The following CDK14 variants were observed in gnomAD, a reference collection of about 807,000 sequenced individuals.
CDK14 encodes the protein cyclin dependent kinase 14, also known as cyclin-dependent kinase 14.
In CDK14, 34 loss-of-function variants were observed where a neutral mutation model predicts 60.7. That is an observed-to-expected ratio of 0.56 (90% CI 0.43 to 0.75). CDK14 has a LOEUF of 0.75. Ranked by LOEUF, CDK14 falls within the 30% of genes least tolerant of loss-of-function variation. CDK14 has a pLI of 0.00. For missense variants in CDK14, 482 were observed against 564.1 expected (o/e 0.85, Z 1.47); for synonymous variants, 197 against 203.7 (o/e 0.97, Z 0.28).
intron 11 of CDK14, among the ~76,000 whole-genome samples, chr7:91,057,786 C>G (rs1405332406): frequency 6.6e-6 from 1 of 152,106 alleles, no homozygotes; most frequent in Non-Finnish European, 1.5e-5. Flanking sequence ...GGTACCAATA[C>G]CATGCTGTTT....
intron 9 of CDK14, among the ~76,000 whole-genome samples, chr7:90,981,122 TC>T (rs1795216922): frequency 6.6e-6 from 1 of 152,156 alleles, no homozygotes; most frequent in African/African-American, 2.4e-5. Flanking sequence ...CTATTTAAGA[TC>T]CAAGGTATTT....
intron 3 of CDK14, among the ~76,000 whole-genome samples, chr7:90,734,603 G>T (rs1043342171): frequency 6.6e-6 from 1 of 151,852 alleles, no homozygotes; most frequent in African/African-American, 2.4e-5. Flanking sequence ...GATCGATTCA[G>T]CTATTGATAC....
intron 11 of CDK14, among the ~76,000 whole-genome samples, chr7:91,059,225 G>C (rs1206205218): frequency 1.3e-5 from 2 of 152,192 alleles, no homozygotes; most frequent in Admixed American, 6.5e-5. Flanking sequence ...ATGGTAGTTT[G>C]TATTTCTGTG....
intron 7 of CDK14, among the ~76,000 whole-genome samples, chr7:90,913,887 G>T (rs1166316823): frequency 6.6e-6 from 1 of 152,154 alleles, no homozygotes; most frequent in African/African-American, 2.4e-5. Context: ...GAGAGACGGG[G>T]CAGAGACGGG....
At chr7:90,939,365 A>G (rs1362191150) in intron 8 of CDK14, among the ~76,000 whole-genome samples, 1 of 152,332 alleles carries the variant, frequency 6.6e-6, no homozygotes, top group East Asian at 1.9e-4. Context: ...ATAGCACAAG[A>G]TAAGTTTGAG....
intron 14 of CDK14, among the ~76,000 whole-genome samples, chr7:91,184,542 A>G (rs946998447): frequency 1.3e-5 from 2 of 152,198 alleles, no homozygotes; most frequent in African/African-American, 2.4e-5. Flanking sequence ...AAAAGCTAGT[A>G]TATCTTCTTA....
intron 2 of CDK14, chr7:90,709,396 G>A: frequency 7.2e-7 from 1 of 1,397,418 alleles, no homozygotes. Context: ...GCATGATGAG[G>A]TGCATCCCCT....
At chr7:90,806,708 C>G (rs1788855311) in intron 5 of CDK14, among the ~76,000 whole-genome samples, 1 of 152,206 alleles carries the variant, frequency 6.6e-6, no homozygotes, top group Non-Finnish European at 1.5e-5. Context: ...CAGGGAATTC[C>G]CTTTCCTAGT....
chr7:90,834,284 G>T (rs1366856375), intron 5 of CDK14, among the ~76,000 whole-genome samples: 1 of 152,142 alleles, frequency 6.6e-6, no homozygotes, highest in African/African-American at 2.4e-5. Context: ...GTGGTAGTAG[G>T]TATTATTAGA....
chr7:91,163,176 C>T (rs528503003), intron 14 of CDK14, among the ~76,000 whole-genome samples: 12 of 152,338 alleles, frequency 7.9e-5, no homozygotes, highest in African/African-American at 2.9e-4. Flanking sequence ...TAGGTGAAAG[C>T]AGCAAAGAAG....
chr7:90,733,177 T>C (rs1802943816), intron 3 of CDK14, among the ~76,000 whole-genome samples: 1 of 152,230 alleles, frequency 6.6e-6, no homozygotes, highest in South Asian at 2.1e-4. Flanking sequence ...TCCTGAGTTC[T>C]AATTTGATTG....
intron 2 of CDK14, among the ~76,000 whole-genome samples, chr7:90,626,262 T>G (rs1799874581): frequency 6.6e-6 from 1 of 152,212 alleles, no homozygotes; most frequent in African/African-American, 2.4e-5. Context: ...GTCATCACTG[T>G]GATTGCACCT....
At chr7:90,973,439 G>A (rs1794984011) in intron 9 of CDK14, among the ~76,000 whole-genome samples, 1 of 151,970 alleles carries the variant, frequency 6.6e-6, no homozygotes. Context: ...ACACATGGAT[G>A]CAATAAAAAA....
chr7:90,930,178 G>T (rs1378288136), intron 8 of CDK14, among the ~76,000 whole-genome samples: 1 of 151,502 alleles, frequency 6.6e-6, no homozygotes, highest in African/African-American at 2.4e-5. Context: ...TAAATCTCAA[G>T]AGTAAACATA....
rs1385266593 is a variant in CDK14 at position 90,956,950 on chromosome 7, T to C, written c.947+1133T>C. 2.0e-5 allele frequency among the ~76,000 whole-genome samples: 3 copies of C among 151,922 alleles called. No individual in the cohort carries two copies. In the East Asian group the frequency reaches 5.8e-4, roughly 29 times the overall value. ...CCCTACAAAGGACATGAACTCATCA[T>C]TTCTTATGGCTGCATAGTATTCCAT... On this transcript the variant is annotated intron_variant, in intron 9 of 14. Transcript: ENST00000380050.
chr7:90,906,873 C>T (rs1002186268), intron 7 of CDK14, among the ~76,000 whole-genome samples: 24 of 151,972 alleles, frequency 1.6e-4, no homozygotes, highest in Admixed American at 3.9e-4. Flanking sequence ...TTTCTTGATG[C>T]GTATTTCTTG....
intron 14 of CDK14, among the ~76,000 whole-genome samples, chr7:91,163,321 G>A (rs1427731144): frequency 6.6e-6 from 1 of 152,208 alleles, no homozygotes; most frequent in African/African-American, 2.4e-5. Flanking sequence ...ATGCAAGGAA[G>A]TGACTAGGTC....
intron 1 of CDK14, among the ~76,000 whole-genome samples, chr7:90,600,249 T>A (rs1167972400): frequency 2.6e-5 from 4 of 152,236 alleles, no homozygotes; most frequent in Non-Finnish European, 5.9e-5. Flanking sequence ...AAATTTAGGC[T>A]AACAAAGACA....
chr7:91,199,190 C>T (rs1202896587), intron 14 of CDK14, among the ~76,000 whole-genome samples: 2 of 152,052 alleles, frequency 1.3e-5, no homozygotes, highest in East Asian at 3.8e-4. Context: ...AATATGCCAC[C>T]TTTGGTGAAG....
Sources: gnomAD v4.1 joint callset for allele counts (sites outside exome capture counted in the v4.1 genomes callset) on GRCh38, gnomAD v4.1.1 for gene constraint, MANE v1.5 for transcripts, NCBI Gene and HGNC (gene_info 2026-07-23, HGNC 2026-07-21) for gene names.